The following MX1 variants were observed in gnomAD, a reference collection of about 807,000 sequenced individuals.
MX1 encodes the protein MX dynamin like GTPase 1.
Under a neutral mutation model 66.4 loss-of-function variants are expected in MX1, and 66 were observed. That is an observed-to-expected ratio of 0.99 (90% CI 0.82 to 1.22). MX1 has a LOEUF of 1.22. Ranked by LOEUF, MX1 falls within the 50% of genes most tolerant of loss-of-function variation. The probability of loss-of-function intolerance (pLI) is 0.00; values close to 1 mark genes in which losing one functional copy is unlikely to be tolerated. For synonymous variants in MX1, 311 were observed against 318.1 expected, an observed-to-expected ratio of 0.98 and a Z score of 0.24; for missense variants, 787 against 834.3, an observed-to-expected ratio of 0.94 and a Z score of 0.70.
chr21:41,436,197 A>G (rs1348594724), intron 6 of MX1, among the ~76,000 whole-genome samples, 168 bp downstream of exon 6: 2 of 152,082 alleles, frequency 1.3e-5, no homozygotes, highest in South Asian at 4.2e-4. Flanking sequence ...GCAGATGGCC[A>G]CCTCCTCACC....
At position 41,458,747 on chromosome 21, in the gene MX1, T is replaced by TAAC. The variant is rs1430489389; in HGVS notation, c.1978_1979insAAC (p.Phe660delinsTer). 6.2e-7 allele frequency: 1 copy of TAAC among 1,612,008 alleles called. No individual in the cohort carries two copies. Among genetic ancestry groups the TAAC allele is most frequent in the African/African-American group, 1.3e-5 (1 of 74,928 alleles). ...GCAGGCTCGGCGCCGGCTTGCCCAG[T>TAAC]TCCCCGGTTAACCACACTCTGTCCA... On this transcript the variant is annotated stop_gained, in exon 17 of 17. Transcript: ENST00000398598. LOFTEE classifies it high-confidence loss of function.
intron 4 of MX1, among the ~76,000 whole-genome samples, chr21:41,431,165 AAC>A (rs1330574043): frequency 6.6e-6 from 1 of 151,852 alleles, no homozygotes; most frequent in African/African-American, 2.4e-5. Flanking sequence ...TGGGACTACA[AAC>A]ACACACCACC....
intron 16 of MX1, among the ~76,000 whole-genome samples, chr21:41,453,099 G>C (rs892954648): frequency 6.6e-6 from 1 of 152,164 alleles, no homozygotes; most frequent in African/African-American, 2.4e-5. Flanking sequence ...ACATGGCTGG[G>C]GAGGCCTTCT....
In MX1 at chr21:41,435,838, T is replaced by A. The variant is rs749848472; in HGVS notation, c.107T>A (p.Val36Glu). 3 of 1,601,344 alleles carry A rather than the reference T, an allele frequency of 1.9e-6. No homozygotes were observed. The African/African-American group carries it at 4.0e-5, about 21-fold the overall frequency. The change falls in exon 6 of 17, where the codon GTG becomes GAG. Residue 36 changes from valine (V) to glutamate (E), a missense_variant and splice_region_variant. Coordinates refer to ENST00000398598, the MANE Select transcript of MX1 (RefSeq NM_002462.5). The part of the protein sequence containing the change: ...ATVAQKNPGS[V>E]AENNLCSQYE... ...ATTCTCCATTTTTGTTTCCTCCAGG[T>A]GGCTGAGAACAACCTGTGCAGCCAG...
At position 41,441,710 on chromosome 21, in the gene MX1, T is replaced by C. The variant is rs2090518448; in HGVS notation, c.731-6T>C. Reference sequence around the variant, plus strand: ...CGTTCTCTCCCCAAATACATCTGGCTCGCAGGAATCTTGACGAAGCCTGAT... The same window carrying C: ...CGTTCTCTCCCCAAATACATCTGGCCCGCAGGAATCTTGACGAAGCCTGAT... On this transcript the variant is annotated splice_region_variant and splice_polypyrimidine_tract_variant and intron_variant, in intron 9 of 16. Coordinates refer to ENST00000398598, the MANE Select transcript of MX1 (RefSeq NM_002462.5). The surrounding 1 kb of genome is among the most constrained non-coding windows in gnomAD (Gnocchi z 4.0). The C allele has an allele frequency of 1.2e-6, 2 of 1,614,090 alleles. No homozygotes were observed. Among genetic ancestry groups the C allele is most frequent in the Non-Finnish European group, 1.7e-6 (2 of 1,179,984 alleles).
At chr21:41,435,721 G>A (rs1022257864) in intron 5 of MX1, 116 bp from the exon 6 acceptor site, 29 of 1,168,374 alleles carry the variant, frequency 2.5e-5, no homozygotes, top group East Asian at 2.1e-4. Flanking sequence ...CCCTTGACAC[G>A]TAGGGATTAT....
chr21:41,431,175 A>G (rs978570736), intron 4 of MX1, among the ~76,000 whole-genome samples: 1 of 151,956 alleles, frequency 6.6e-6, no homozygotes, highest in Non-Finnish European at 1.5e-5. Flanking sequence ...AACACACACC[A>G]CCACTTCCAG....
At chr21:41,436,216 A>G (rs1329839451) in intron 6 of MX1, among the ~76,000 whole-genome samples, 187 bp downstream of exon 6, 1 of 152,192 alleles carries the variant, frequency 6.6e-6, no homozygotes, top group African/African-American at 2.4e-5. Flanking sequence ...CCGCTCCCCC[A>G]TGCGGCCTTC....
intron 4 of MX1, among the ~76,000 whole-genome samples, chr21:41,431,055 C>A (rs2090197366): frequency 6.6e-6 from 1 of 152,210 alleles, no homozygotes; most frequent in African/African-American, 2.4e-5. Flanking sequence ...CGGGGTCTCG[C>A]TCTGTCGCCC....
At chr21:41,436,106 A>G in intron 6 of MX1, 77 bp downstream of exon 6, 2 of 1,517,994 alleles carry the variant, frequency 1.3e-6, no homozygotes, top group Non-Finnish European at 1.8e-6. Flanking sequence ...TTATACAACA[A>G]AAGTTTATTT....
At position 41,437,162 on chromosome 21, in the gene MX1, C is replaced by G; in HGVS notation, c.436+10C>G. ...AAGGAAATTAATAAAGGTGAGTACC[C>G]CCTGTTTGGATGCCTGGTCAAGCCT... On this transcript the variant is annotated intron_variant, in intron 7 of 16. Coordinates refer to ENST00000398598, the MANE Select transcript of MX1 (RefSeq NM_002462.5). 1 of 1,613,564 alleles carries G rather than the reference C, an allele frequency of 6.2e-7. No individual in the cohort carries two copies. The highest frequency in any genetic ancestry group is 8.5e-7 in the Non-Finnish European group (1 of 1,179,718).
upstream of MX1, chr21:41,426,047 C>G (rs917117635): frequency 6.1e-6 from 1 of 163,650 alleles, no homozygotes; most frequent in Non-Finnish European, 1.3e-5. Context: ...TTCAGCAGGC[C>G]TGGGTTCGGG....
At chr21:41,435,576 T>C (rs469015) in intron 5 of MX1, among the ~76,000 whole-genome samples, 57,716 of 151,728 alleles carry the variant, frequency 0.38, 12,434 homozygotes, top group Non-Finnish European at 0.51. Context: ...CTTCACAAGG[T>C]GGCAGGAGAG....
intron 5 of MX1, among the ~76,000 whole-genome samples, 158 bp from the exon 6 acceptor site, chr21:41,435,679 C>T (rs2090337411): frequency 6.6e-6 from 1 of 152,168 alleles, no homozygotes; most frequent in Non-Finnish European, 1.5e-5. Flanking sequence ...GGGAAACCTC[C>T]CCCACAATCC....
intron 13 of MX1, among the ~76,000 whole-genome samples, chr21:41,447,718 C>A (rs889458350): frequency 8.6e-5 from 13 of 152,022 alleles, no homozygotes; most frequent in Admixed American, 8.5e-4. Context: ...TACTAAAATT[C>A]ACTCACCCAT....
chr21:41,444,241 T>G (rs1270041660), intron 11 of MX1, among the ~76,000 whole-genome samples: 1 of 151,950 alleles, frequency 6.6e-6, no homozygotes, highest in Non-Finnish European at 1.5e-5. Flanking sequence ...TTGTAAAAGC[T>G]CTCTGTGGTT....
intron 10 of MX1, among the ~76,000 whole-genome samples, chr21:41,442,454 G>A (rs2090547374): frequency 6.6e-6 from 1 of 152,186 alleles, no homozygotes; most frequent in Admixed American, 6.5e-5. Flanking sequence ...GAAGCAATAA[G>A]CATCTCAGAA....
At chr21:41,425,745 G>T (rs1020304601), upstream of MX1, among the ~76,000 whole-genome samples, 1 of 152,198 alleles carries the variant, frequency 6.6e-6, no homozygotes, top group African/African-American at 2.4e-5. Flanking sequence ...GAGGAAGATG[G>T]TATGGGTGTG....
At chr21:41,455,290 G>C (rs2090932034) in intron 16 of MX1, among the ~76,000 whole-genome samples, 1 of 152,180 alleles carries the variant, frequency 6.6e-6, no homozygotes, top group Non-Finnish European at 1.5e-5. Flanking sequence ...TCTAAACCGA[G>C]GGTCAACATC....
Sources: allele counts gnomAD v4.1 joint callset (sites outside exome capture counted in the v4.1 genomes callset), GRCh38; gene constraint gnomAD v4.1.1; non-coding constraint Gnocchi (gnomAD v3.1); transcripts MANE v1.5; gene names NCBI Gene and HGNC (gene_info 2026-07-23, HGNC 2026-07-21).